The following CASZ1 variants were observed in gnomAD, a reference collection of about 807,000 sequenced individuals.
CASZ1 encodes the protein zinc finger protein castor homolog 1.
Under a neutral mutation model 135.2 loss-of-function variants are expected in CASZ1, and 28 were observed. That is an observed-to-expected ratio of 0.21 (90% CI 0.15 to 0.28). The LOEUF is 0.28. Among genes scored for constraint, CASZ1 ranks in the 10% least tolerant of loss-of-function variants. The pLI, the probability that CASZ1 is intolerant of heterozygous loss-of-function variation, is 1.00. For synonymous variants in CASZ1, 1,068 were observed against 1,073.4 expected, an observed-to-expected ratio of 0.99 and a Z score of 0.10; for missense variants, 2,161 against 2,453.3, an observed-to-expected ratio of 0.88 and a Z score of 2.52.
chr1:10,747,792 C>G lies in CASZ1; in HGVS notation c.-77+12909G>C, dbSNP rs185936486. On this transcript the variant is annotated intron_variant, in intron 2 of 20. Coordinates refer to ENST00000377022, the MANE Select transcript of CASZ1 (RefSeq NM_001079843.3). This position sits in a 1 kb window ranked among gnomAD's most constrained non-coding sequence, Gnocchi z 4.3. The stretch of plus-strand genomic sequence containing the variant: ...TGAGCAATCACTGGGAGAGGGTACA[C>G]AGTACACTGTGCTCACCTGCCTGAC... Among the ~76,000 whole-genome samples the G allele has an allele frequency of 1.1e-4, 17 of 151,420 alleles. No homozygotes were observed. Among genetic ancestry groups the G allele is most frequent in the Middle Eastern group, 3.4e-3 (1 of 292 alleles).
chr1:10,743,094 A>G (rs1487452151), intron 2 of CASZ1, among the ~76,000 whole-genome samples: 1 of 152,134 alleles, frequency 6.6e-6, no homozygotes, highest in Non-Finnish European at 1.5e-5. Flanking sequence ...GTATTCCCAA[A>G]GCCAGTTTTC....
intron 4 of CASZ1, among the ~76,000 whole-genome samples, chr1:10,671,568 A>G (rs284317): frequency 0.54 from 82,569 of 151,976 alleles, 23,107 homozygotes; most frequent in Middle Eastern, 0.67. Context: ...GGGCAGTGGA[A>G]GGGGTCTGAT....
chr1:10,667,549 G>A (rs1406443968), intron 4 of CASZ1, among the ~76,000 whole-genome samples: 1 of 152,172 alleles, frequency 6.6e-6, no homozygotes, highest in African/African-American at 2.4e-5. Flanking sequence ...CGACCTCGGA[G>A]CTGCCCAGCA....
chr1:10,707,689 A>C lies in CASZ1; in HGVS notation c.-76-2145T>G, dbSNP rs556097918. On this transcript the variant is annotated intron_variant, in intron 2 of 20. Transcript: ENST00000377022. The surrounding 1 kb of genome is among the most constrained non-coding windows in gnomAD (Gnocchi z 5.0). Reference sequence around the variant, plus strand: ...TGGGACCCTGGGATACTGGGACCCCAGTGGGGGCCTAAGAAGTAGCTGAGA... The same window carrying C: ...TGGGACCCTGGGATACTGGGACCCCCGTGGGGGCCTAAGAAGTAGCTGAGA... 2.5e-4 allele frequency among the ~76,000 whole-genome samples: 38 copies of C among 152,248 alleles called. No homozygotes were observed. Among genetic ancestry groups the C allele is most frequent in the African/African-American group, 8.7e-4 (36 of 41,552 alleles).
intron 3 of CASZ1, among the ~76,000 whole-genome samples, chr1:10,698,962 G>T (rs1639003107): frequency 1.3e-5 from 2 of 152,218 alleles, no homozygotes; most frequent in African/African-American, 4.8e-5. Flanking sequence ...TCTTACCCAA[G>T]CACTGGCTCT....
In CASZ1 at chr1:10,665,414, T is replaced by C; in HGVS notation, c.174A>G (p.Pro58=). 3 of 1,612,736 alleles carry C rather than the reference T, an allele frequency of 1.9e-6. No individual in the cohort carries two copies. Among genetic ancestry groups the C allele is most frequent in the Non-Finnish European group, 2.5e-6 (3 of 1,179,720 alleles). The stretch of plus-strand genomic sequence containing the variant: ...TGCGCTCTTGGTCCCGGGGCTGCGA[T>C]GGGCTGCCCTCCGTGTGGGAGCCGG... The part of the protein sequence containing the change: ...ADAGSHTEGS[P]SQPRDQERSG... The change falls in exon 5 of 21, where the codon CCA becomes CCG. Residue 58 remains proline, a synonymous_variant. Transcript: ENST00000377022.
intron 2 of CASZ1, among the ~76,000 whole-genome samples, chr1:10,732,613 A>G (rs958110970): frequency 6.6e-6 from 1 of 152,178 alleles, no homozygotes; most frequent in Non-Finnish European, 1.5e-5. Context: ...GAGAGATTCA[A>G]CCTCGGGCAG....
Position 10,699,004 on chromosome 1 carries a change from C to T in CASZ1, c.-23-5092G>A, listed in dbSNP as rs1322368382. ...ACTCAGCTCCCCCACCGCTCCCCCA[C>T]CCATGGCCTGGCCTGGGTTGGGGGT... On this transcript the variant is annotated intron_variant, in intron 3 of 20. Coordinates refer to ENST00000377022, the MANE Select transcript of CASZ1 (RefSeq NM_001079843.3). The surrounding 1 kb of genome is among the most constrained non-coding windows in gnomAD (Gnocchi z 4.6). Among the ~76,000 whole-genome samples, 3 of 152,246 alleles carry T rather than the reference C, an allele frequency of 2.0e-5. No individual in the cohort carries two copies. Among genetic ancestry groups the T allele is most frequent in the African/African-American group, 7.2e-5 (3 of 41,482 alleles).
chr1:10,650,917 C>T, intron 12 of CASZ1, 24 bp downstream of exon 12: 2 of 1,607,198 alleles, frequency 1.2e-6, no homozygotes, highest in Non-Finnish European at 1.7e-6. Context: ...CCGGGGCTGG[C>T]TCCCATAGGG....
Position 10,646,224 on chromosome 1 carries a change from T to C in CASZ1, c.3600A>G (p.Glu1200=), listed in dbSNP as rs759271045. The change falls in exon 17 of 21, where the codon GAA becomes GAG. Residue 1200 remains glutamate, a synonymous_variant. Transcript: ENST00000377022. This position sits in a 1 kb window ranked among gnomAD's most constrained non-coding sequence, Gnocchi z 6.4. ...KYVCKTSGKA[E]SHCLDHINPN... is the part of the protein sequence containing the mutation. ...GGTTGATGTGGTCCAGGCAGTGGGA[T>C]TCGGCCTTGCCAGACGTTTTGCAGA... 5 of 1,614,150 alleles carry C rather than the reference T, an allele frequency of 3.1e-6. No homozygotes were observed. Among genetic ancestry groups the C allele is most frequent in the Middle Eastern group, 3.3e-4 (2 of 6,062 alleles).
chr1:10,647,954 G>A lies in CASZ1; in HGVS notation c.3344C>T (p.Thr1115Ile). 6.2e-7 allele frequency: 1 copy of A among 1,612,180 alleles called. No homozygotes were observed. The highest frequency in any genetic ancestry group is 8.5e-7 in the Non-Finnish European group (1 of 1,178,994). The change falls in exon 16 of 21, where the codon ACC becomes ATC. Residue 1115 changes from threonine to isoleucine, a missense_variant. Around this residue, in one of 7 missense-constraint regions of CASZ1, gnomAD observed 349 missense variants for 460.8 expected, o/e 0.76. Coordinates refer to ENST00000377022, the MANE Select transcript of CASZ1 (RefSeq NM_001079843.3). The surrounding 1 kb of genome is among the most constrained non-coding windows in gnomAD (Gnocchi z 4.9). Reference sequence around the variant, plus strand: ...AGCCAGCTGCTTCCAGGCGAGCAGGGTGGGGGTGGAGGGCACGGAGGCCGG... The same window carrying A: ...AGCCAGCTGCTTCCAGGCGAGCAGGATGGGGGTGGAGGGCACGGAGGCCGG... Reference protein sequence around the residue: ...PSPASVPSTPTLLAWKQLAST... With the variant: ...PSPASVPSTPILLAWKQLAST...
chr1:10,792,328 C>T (rs1243490134), intron 1 of CASZ1, among the ~76,000 whole-genome samples: 2 of 16,112 alleles, frequency 1.2e-4, no homozygotes, highest in Non-Finnish European at 2.5e-4. Context: ...CTCCCCCCCG[C>T]CCCCCCCCCC....
intron 1 of CASZ1, among the ~76,000 whole-genome samples, chr1:10,783,080 G>T (rs1458772902): frequency 6.6e-6 from 1 of 152,196 alleles, no homozygotes; most frequent in Non-Finnish European, 1.5e-5. Flanking sequence ...TTAGCACACA[G>T]GGCGCTGGGC....
chr1:10,694,343 C>A lies in CASZ1; in HGVS notation c.-23-431G>T. 8.7e-7 allele frequency: 1 copy of A among 1,148,626 alleles called. No homozygotes were observed. Among genetic ancestry groups the A allele is most frequent in the Non-Finnish European group, 1.1e-6 (1 of 908,756 alleles). 71.2% of individuals were successfully genotyped at this position (1,148,626 alleles called of 1,614,324 possible). ...CGAATTCACTTAAATAATCAACTTTCATAATACTTAATTAATGCCTAATTG... is the reference window on the plus strand; with the variant it reads ...CGAATTCACTTAAATAATCAACTTTAATAATACTTAATTAATGCCTAATTG... On this transcript the variant is annotated intron_variant, in intron 3 of 20. Coordinates refer to ENST00000377022, the MANE Select transcript of CASZ1 (RefSeq NM_001079843.3). The surrounding 1 kb of genome is among the most constrained non-coding windows in gnomAD (Gnocchi z 6.6).
At position 10,704,970 on chromosome 1, in the gene CASZ1, G is replaced by C. The variant is rs541553136; in HGVS notation, c.-24+522C>G. 7.2e-5 allele frequency among the ~76,000 whole-genome samples: 11 copies of C among 152,374 alleles called. No homozygotes were observed. In the South Asian group the frequency reaches 2.3e-3, roughly 32 times the overall value. Reference sequence around the variant, plus strand: ...ATGGCAGCCTGTCCTGGCCTCGGCCGTGGCCTTCTCCCTGCCAGCCTCTTA... The same window carrying C: ...ATGGCAGCCTGTCCTGGCCTCGGCCCTGGCCTTCTCCCTGCCAGCCTCTTA... On this transcript the variant is annotated intron_variant, in intron 3 of 20. Coordinates refer to ENST00000377022, the MANE Select transcript of CASZ1 (RefSeq NM_001079843.3).
intron 4 of CASZ1, among the ~76,000 whole-genome samples, chr1:10,689,753 A>T (rs562441821): frequency 6.6e-6 from 1 of 152,106 alleles, no homozygotes; most frequent in Non-Finnish European, 1.5e-5. Flanking sequence ...TGTGCTCCTC[A>T]CCTCGTCCAC....
intron 1 of CASZ1, among the ~76,000 whole-genome samples, chr1:10,773,588 C>T (rs1260758835): frequency 6.6e-6 from 1 of 152,094 alleles, no homozygotes; most frequent in Non-Finnish European, 1.5e-5. Context: ...GGGTCAAAGT[C>T]TTGGGGGCAG....
chr1:10,670,917 C>G (rs1570450917), intron 4 of CASZ1, among the ~76,000 whole-genome samples: 1 of 152,118 alleles, frequency 6.6e-6, no homozygotes, highest in African/African-American at 2.4e-5. Flanking sequence ...ATCCCCAGCT[C>G]CAAACAGAAG....
chr1:10,789,942 T>G (rs1007221301), intron 1 of CASZ1, among the ~76,000 whole-genome samples: 4 of 152,130 alleles, frequency 2.6e-5, no homozygotes, highest in African/African-American at 9.7e-5. Flanking sequence ...AGCTGTGGCC[T>G]CAGAGCCACA....
Sources: gnomAD v4.1 joint callset for allele counts (sites outside exome capture counted in the v4.1 genomes callset) on GRCh38, gnomAD v4.1.1 for gene constraint, gnomAD v4.1.1 regional missense constraint, Gnocchi (gnomAD v3.1) non-coding constraint, MANE v1.5 for transcripts, NCBI Gene and HGNC (gene_info 2026-07-23, HGNC 2026-07-21) for gene names.